Variants in CASP10 observed in about 807,000 individuals in gnomAD.
CASP10 encodes the protein caspase 10.
CASP10 carries 41 observed loss-of-function variants against 48.5 expected under a neutral mutation model. The observed-to-expected ratio is 0.85, with a 90% CI of 0.66 to 1.10. CASP10 has a LOEUF of 1.10. Among genes scored for constraint, CASP10 ranks in the 50% least tolerant of loss-of-function variants. The probability of loss-of-function intolerance (pLI) is 0.00; values close to 1 mark genes in which losing one functional copy is unlikely to be tolerated. For missense variants in CASP10, 614 were observed against 614.5 expected (o/e 1.00, Z 0.01); for synonymous variants, 232 against 238.4 (o/e 0.97, Z 0.25).
At chr2:201,227,618 A>G (rs908308502) in intron 9 of CASP10, among the ~76,000 whole-genome samples, 29 of 152,028 alleles carry the variant, frequency 1.9e-4, no homozygotes, top group African/African-American at 6.8e-4. Context: ...GTGCAGTGGC[A>G]CGATCTCGGC....
chr2:201,220,751 G>T lies in CASP10; in HGVS notation c.*3010G>T. 1.0e-6 allele frequency: 1 copy of T among 985,202 alleles called. No individual in the cohort carries two copies. The highest frequency in any genetic ancestry group is 1.2e-6 in the Non-Finnish European group (1 of 829,878). The allele number at this position is 985,202 out of a possible 1,614,324, so 61.0% of individuals were successfully genotyped here. ...TCTTTAATTCTTACACATGTGTCAG[G>T]ATGATCTCCCAAAACCGTGTTCATA... On this transcript the variant is annotated 3_prime_UTR_variant, in exon 10 of 10. Coordinates refer to ENST00000286186, the MANE Select transcript of CASP10 (RefSeq NM_032977.4).
intron 7 of CASP10, among the ~76,000 whole-genome samples, chr2:201,207,717 A>G (rs1945253072): frequency 6.6e-6 from 1 of 151,680 alleles, no homozygotes; most frequent in Non-Finnish European, 1.5e-5. Flanking sequence ...AGATCACGCC[A>G]TTGCACTCCA....
In CASP10 at chr2:201,209,031, C is replaced by G. The variant is rs779480026; in HGVS notation, c.923-39C>G. The stretch of plus-strand genomic sequence containing the variant: ...TCATTTTATTATTTCCCCTTTCTCT[C>G]TCTCTCTCTCTTTTTTTTTTTTTTT... On this transcript the variant is annotated intron_variant, in intron 8 of 9. Transcript: ENST00000286186. The G allele has an allele frequency of 4.4e-5, 70 of 1,574,700 alleles. 1 individual carries two copies. In the South Asian group the frequency reaches 7.5e-4, roughly 17 times the overall value.
intron 5 of CASP10, chr2:201,200,395 T>C: frequency 3.9e-6 from 6 of 1,548,044 alleles, no homozygotes; most frequent in South Asian, 3.3e-5. Context: ...CATTCGTAAG[T>C]TGGCTCTCAG....
intron 9 of CASP10, among the ~76,000 whole-genome samples, chr2:201,227,457 G>C (rs1232725077): frequency 6.6e-6 from 1 of 152,122 alleles, no homozygotes; most frequent in African/African-American, 2.4e-5. Flanking sequence ...ATAATGATCT[G>C]GATATAATCT....
At chr2:201,187,103 C>A (rs145412814) in intron 2 of CASP10, among the ~76,000 whole-genome samples, 60 of 152,278 alleles carry the variant, frequency 3.9e-4, no homozygotes, top group African/African-American at 1.2e-3. Context: ...TAAGCCTTAG[C>A]GGTGGAACTG....
At chr2:201,203,494 G>A (rs1945094915) in intron 5 of CASP10, among the ~76,000 whole-genome samples, 1 of 151,884 alleles carries the variant, frequency 6.6e-6, no homozygotes, top group Non-Finnish European at 1.5e-5. Context: ...TTTAGTAGAG[G>A]TGGGGTTTCA....
chr2:201,198,539 C>CTTTTTTTTT, intron 5 of CASP10, among the ~76,000 whole-genome samples: 1 of 87,980 alleles, frequency 1.1e-5, no homozygotes, highest in Non-Finnish European at 2.1e-5. Flanking sequence ...TTTTTTAATT[C>CTTTTTTTTT]TTTTTTTTTT....
At chr2:201,209,646 G>C in intron 9 of CASP10, 84 bp downstream of exon 9, 1 of 1,396,554 alleles carries the variant, frequency 7.2e-7, no homozygotes, top group Non-Finnish European at 9.7e-7. Context: ...CCTTTGGTAA[G>C]GGTGAGAGTT....
chr2:201,200,611 C>A (rs982810178), intron 5 of CASP10: 2 of 1,489,646 alleles, frequency 1.3e-6, no homozygotes, highest in East Asian at 2.4e-5. Flanking sequence ...TGCCCTGAAC[C>A]TCATTCGGCA....
rs1377738451 is a variant in CASP10, at chr2:201,205,946, CACTCTAA to C, written c.792_798del (p.Asn265LysfsTer12). ...GGGGGATGCAAGGAGCATCTGCTAA[CACTCTAA>C]ACTCTGAAACCAGCACAAAGGTCTG... On this transcript the variant is annotated frameshift_variant, in exon 7 of 10. Coordinates refer to ENST00000286186, the MANE Select transcript of CASP10 (RefSeq NM_032977.4). LOFTEE classifies it high-confidence loss of function. 1.9e-6 allele frequency: 3 copies of C among 1,612,784 alleles called. No homozygotes were observed. In the South Asian group the frequency reaches 3.3e-5, roughly 18 times the overall value.
intron 5 of CASP10, chr2:201,200,349 T>C: frequency 8.4e-7 from 1 of 1,194,248 alleles, no homozygotes; most frequent in Non-Finnish European, 1.2e-6. Context: ...ATGTTGGTTG[T>C]AAAACAATGC....
At chr2:201,224,056 C>T (rs1485239256), downstream of CASP10, among the ~76,000 whole-genome samples, 1 of 151,264 alleles carries the variant, frequency 6.6e-6, no homozygotes, top group Non-Finnish European at 1.5e-5. Context: ...ACTGCAAGCT[C>T]TGCCTCCCAG....
At chr2:201,213,936 T>G (rs1414540133) in intron 9 of CASP10, 1 of 152,202 alleles carries the variant, frequency 6.6e-6, no homozygotes, top group African/African-American at 2.4e-5. Context: ...AGTCGCATTT[T>G]GTGTAGCCGC....
intron 7 of CASP10, among the ~76,000 whole-genome samples, chr2:201,207,147 A>G (rs569519973): frequency 6.6e-6 from 1 of 152,272 alleles, no homozygotes; most frequent in Non-Finnish European, 1.5e-5. Flanking sequence ...CTTTAGTGCA[A>G]ATGAGATTTA....
chr2:201,196,081 G>A, intron 5 of CASP10, 133 bp downstream of exon 5: 1 of 666,556 alleles, frequency 1.5e-6, no homozygotes, highest in South Asian at 1.7e-5. Context: ...GTCTCACCAT[G>A]GTGATTGCAA....
At position 201,183,280 on chromosome 2, in the gene CASP10, C is replaced by T. The variant is rs1167405118; in HGVS notation, c.-36C>T. On this transcript the variant is annotated 5_prime_UTR_variant, in exon 1 of 10. Transcript: ENST00000286186. ...CAATTTCCCTGAGAACCGTTTACTT[C>T]CAGAAGATTGGTGGAGCTTGATCTG... 2 of 152,180 alleles carry T rather than the reference C, an allele frequency of 1.3e-5. No homozygotes were observed. Among genetic ancestry groups the T allele is most frequent in the Non-Finnish European group, 2.9e-5 (2 of 68,048 alleles). The allele number at this position is 152,180 out of a possible 1,614,324, so 9.4% of individuals were successfully genotyped here.
At chr2:201,229,260 G>A (rs987641858) in exon 10 of CASP10, 9 of 682,428 alleles carry the variant, frequency 1.3e-5, no homozygotes, top group Non-Finnish European at 2.0e-5. Context: ...GTGTACCTGT[G>A]TCATCTTTCT....
intron 5 of CASP10, among the ~76,000 whole-genome samples, chr2:201,203,251 C>CCTT (rs1369616390): frequency 1.3e-5 from 2 of 151,988 alleles, no homozygotes; most frequent in Non-Finnish European, 2.9e-5. Context: ...TCTTTGTGAA[C>CCTT]CTTCTCCTTT....
Sources: allele counts gnomAD v4.1 joint callset (sites outside exome capture counted in the v4.1 genomes callset), GRCh38; gene constraint gnomAD v4.1.1; transcripts MANE v1.5; gene names NCBI Gene and HGNC (gene_info 2026-07-23, HGNC 2026-07-21).